MUC21: variants seen among roughly 807,000 people sequenced by gnomAD.
MUC21 encodes mucin 21, cell surface associated.
A neutral mutation model predicts 9.1 loss-of-function variants in MUC21; 8 were observed. The ratio of observed to expected loss-of-function variants is 0.88; its 90% CI spans 0.52 to 1.59. The LOEUF (loss-of-function observed/expected upper bound fraction) is 1.59, where lower values mean the gene tolerates loss of function less well. Ranked by LOEUF, MUC21 falls within the 40% of genes most tolerant of loss-of-function variation. The pLI is 0.00. For missense variants in MUC21, 478 were observed against 694.2 expected, an observed-to-expected ratio of 0.69 and a Z score of 3.50; for synonymous variants, 189 against 275.2, an observed-to-expected ratio of 0.69 and a Z score of 3.10.
chr6:30,988,858 G>C lies in MUC21; in HGVS notation c.*664G>C, dbSNP rs1762506847. The C allele has an allele frequency of 6.6e-6, 1 of 152,270 alleles. No homozygotes were observed. The highest frequency in any genetic ancestry group is 1.5e-5 in the Non-Finnish European group (1 of 68,186). 9.4% of individuals were successfully genotyped at this position (152,270 alleles called of 1,614,324 possible). ...CCCAGGGCATTTCCATGTGCTCCAGGCCTGACTACCCATCAGGGTGGAGGA... is the reference window on the plus strand; with the variant it reads ...CCCAGGGCATTTCCATGTGCTCCAGCCCTGACTACCCATCAGGGTGGAGGA... On this transcript the variant is annotated 3_prime_UTR_variant, in exon 3 of 3. Transcript: ENST00000376296.
Position 30,987,194 on chromosome 6 carries a change from G to A in MUC21, c.1019G>A (p.Ser340Asn), listed in dbSNP as rs1381194340. 6.2e-7 allele frequency: 1 copy of A among 1,603,258 alleles called. No homozygotes were observed. Among genetic ancestry groups the A allele is most frequent in the African/African-American group, 1.4e-5 (1 of 73,410 alleles). Residue 340 changes from serine (S) to asparagine (N), a missense_variant, in exon 2 of 3, where the codon AGT becomes AAT. This residue lies in a region of MUC21 where 155 missense variants were observed against 235.2 expected (regional missense o/e 0.66). Transcript: ENST00000376296. The stretch of plus-strand genomic sequence containing the variant: ...AACTCTGAGTCCAGCACGACCTCCA[G>A]TGGGGCCAGCACAGCCACCAACTCT... ...ATNSESSTTS[S>N]GASTATNSES...
At chr6:30,984,133 T>G in intron 1 of MUC21, 114 bp downstream of exon 1, 1 of 676,076 alleles carries the variant, frequency 1.5e-6, no homozygotes, top group Non-Finnish European at 2.7e-6. Context: ...AGGATCATCA[T>G]TTTACTCGAA....
rs147069023 is a variant in MUC21, at chr6:30,987,005, C to G, written c.830C>G (p.Thr277Arg). 1.9e-6 allele frequency: 3 copies of G among 1,604,714 alleles called. No individual in the cohort carries two copies. In the East Asian group the frequency reaches 6.8e-5, roughly 36 times the overall value. The change falls in exon 2 of 3, where the codon ACA becomes AGA. Residue 277 changes from threonine (T) to arginine (R), a missense_variant. Thr to Arg is a moderately conservative substitution (Grantham distance 71). This residue lies in a region of MUC21 where 155 missense variants were observed against 235.2 expected (regional missense o/e 0.66). Transcript: ENST00000376296. ...ACAGCCACCAACTCTGAGTCCAGCA[C>G]AGTGTCCAGTGGGATCAGCACAGTC... is the stretch of plus-strand genomic sequence containing the variant. Reference protein sequence around the residue: ...AGTATNSESSTVSSGISTVTN... With the variant: ...AGTATNSESSRVSSGISTVTN...
chr6:30,984,259 A>G, intron 1 of MUC21: 1 of 438,424 alleles, frequency 2.3e-6, no homozygotes, highest in East Asian at 3.5e-5. Flanking sequence ...TTAACTGTGT[A>G]CTTTAGGTCA....
In MUC21 at chr6:30,989,513, C is replaced by T. The variant is rs1394855866; in HGVS notation, c.*1319C>T. The T allele has an allele frequency of 6.6e-6, 1 of 152,186 alleles. No homozygotes were observed. Among genetic ancestry groups the T allele is most frequent in the African/African-American group, 2.4e-5 (1 of 41,414 alleles). 9.4% of individuals were successfully genotyped at this position (152,186 alleles called of 1,614,324 possible). The stretch of plus-strand genomic sequence containing the variant: ...AATTTTTTGTAGGGACAGGGCCTCA[C>T]TCTGTTGCACAAGCTGGTCTTGAAC... On this transcript the variant is annotated 3_prime_UTR_variant, in exon 3 of 3. Coordinates refer to ENST00000376296, the MANE Select transcript of MUC21 (RefSeq NM_001010909.5).
chr6:30,983,727 G>T lies in MUC21; in HGVS notation c.-232G>T. 1 of 465,592 alleles carries T rather than the reference G, an allele frequency of 2.1e-6. No individual in the cohort carries two copies. Among genetic ancestry groups the T allele is most frequent in the Non-Finnish European group, 3.8e-6 (1 of 265,528 alleles). The allele number at this position is 465,592 out of a possible 1,614,324, so 28.8% of individuals were successfully genotyped here. A position where few individuals can be genotyped will look rare whatever the true frequency, so the allele number is the denominator to read the frequency against. ...GCAGCTCTTTCACAACAGAGAAAGA[G>T]GCAACTACATTGCCTGGAGGAAGCC... On this transcript the variant is annotated 5_prime_UTR_variant, in exon 1 of 3. In the 5' UTR this introduces an upstream ATG that the reference lacks. Coordinates refer to ENST00000376296, the MANE Select transcript of MUC21 (RefSeq NM_001010909.5).
Position 30,986,237 on chromosome 6 carries a change from C to T in MUC21, c.62C>T (p.Ala21Val), listed in dbSNP as rs543812633. ...MFGLLLHLEA[A>V]TNSNETSTSA... ...ATTTGTCATTATATGATTTCTTCAG[C>T]AACAAATTCCAATGAGACTAGCACC... The change falls in exon 2 of 3, where the codon GCA (alanine) becomes GTA (valine). Residue 21 changes from alanine (A) to valine (V), a missense_variant and splice_region_variant. Coordinates refer to ENST00000376296, the MANE Select transcript of MUC21 (RefSeq NM_001010909.5). 1.9e-4 allele frequency: 310 copies of T among 1,603,802 alleles called. 1 individual carries two copies. The South Asian group carries it at 3.2e-3, about 17-fold the overall frequency.
chr6:30,985,838 T>C (rs1405635191), intron 1 of MUC21, among the ~76,000 whole-genome samples: 1 of 152,212 alleles, frequency 6.6e-6, no homozygotes, highest in Non-Finnish European at 1.5e-5. Context: ...TGGAGTGCAA[T>C]GGCTCGATCT....
At chr6:30,987,714 G>A in intron 2 of MUC21, 33 bp downstream of exon 2, 2 of 1,600,568 alleles carry the variant, frequency 1.2e-6, no homozygotes, top group Non-Finnish European at 1.7e-6. Flanking sequence ...AATGCCTGGG[G>A]GAAGGAGCAG....
chr6:30,985,468 G>A (rs1762209995), intron 1 of MUC21, among the ~76,000 whole-genome samples: 1 of 152,164 alleles, frequency 6.6e-6, no homozygotes, highest in African/African-American at 2.4e-5. Flanking sequence ...TCTGAAATAA[G>A]TGTGTTCTGA....
rs751022126 is a variant in MUC21 at position 30,986,724 on chromosome 6, T to C, written c.549T>C (p.Ser183=). Residue 183 remains serine, a synonymous_variant, in exon 2 of 3, where the codon TCT becomes TCC. Coordinates refer to ENST00000376296, the MANE Select transcript of MUC21 (RefSeq NM_001010909.5). ...GTGGGGCCAGCACAGCCACCAACTC[T>C]GAGTCCAGCACAGTGTCCAGTAGGG... ...TSSGASTATN[S]ESSTVSSRAS... is the part of the protein sequence containing the mutation. 1 of 1,576,744 alleles carries C rather than the reference T, an allele frequency of 6.3e-7. No individual in the cohort carries two copies. The highest frequency in any genetic ancestry group is 1.7e-5 in the Admixed American group (1 of 58,056).
In MUC21 at chr6:30,988,380, C is replaced by A. The variant is rs1212318514; in HGVS notation, c.*186C>A. On this transcript the variant is annotated 3_prime_UTR_variant, in exon 3 of 3. Transcript: ENST00000376296. Reference sequence around the variant, plus strand: ...ACTGGAAAGAGAATACTATATTGCTCATTTAGCTAAGAAATAAATACATCT... The same window carrying A: ...ACTGGAAAGAGAATACTATATTGCTAATTTAGCTAAGAAATAAATACATCT... 1.7e-6 allele frequency: 1 copy of A among 574,454 alleles called. No homozygotes were observed. Among genetic ancestry groups the A allele is most frequent in the African/African-American group, 1.9e-5 (1 of 53,410 alleles). The allele number at this position is 574,454 out of a possible 1,614,324, so 35.6% of individuals were successfully genotyped here.
chr6:30,984,978 A>G (rs1762187221), intron 1 of MUC21, among the ~76,000 whole-genome samples: 1 of 148,738 alleles, frequency 6.7e-6, no homozygotes, highest in Non-Finnish European at 1.5e-5. Context: ...CCGTCTCAAA[A>G]ACAAATAAAT....
In MUC21 at chr6:30,988,009, C is replaced by T. The variant is rs528237312; in HGVS notation, c.1516C>T (p.Leu506=). 52 of 1,183,152 alleles carry T rather than the reference C, an allele frequency of 4.4e-5. 1 individual carries two copies. In the South Asian group the frequency reaches 5.5e-4, roughly 12 times the overall value. 73.3% of individuals were successfully genotyped at this position (1,183,152 alleles called of 1,614,324 possible). ...ACTCTTCTTTTTTTAGAGAAACAGCCTGTCCCTGAGAAACACCTTTAACAC... is the reference window on the plus strand; with the variant it reads ...ACTCTTCTTTTTTTAGAGAAACAGCTTGTCCCTGAGAAACACCTTTAACAC... The part of the protein sequence containing the change: ...AGLFFCVRNS[L]SLRNTFNTAV... The change falls in exon 3 of 3, where the codon CTG becomes TTG. Residue 506 remains leucine, a synonymous_variant. Transcript: ENST00000376296.
In MUC21 at chr6:30,989,496, G is replaced by A. The variant is rs1439453552; in HGVS notation, c.*1302G>A. On this transcript the variant is annotated 3_prime_UTR_variant, in exon 3 of 3. Transcript: ENST00000376296. The stretch of plus-strand genomic sequence containing the variant: ...GCCTGGCTAATTTTTAGAATTTTTT[G>A]TAGGGACAGGGCCTCACTCTGTTGC... The A allele has an allele frequency of 1.3e-5, 2 of 152,090 alleles. No individual in the cohort carries two copies. Among genetic ancestry groups the A allele is most frequent in the Non-Finnish European group, 2.9e-5 (2 of 68,050 alleles). The allele number at this position is 152,090 out of a possible 1,614,324, so 9.4% of individuals were successfully genotyped here. A position where few individuals can be genotyped will look rare whatever the true frequency, so the allele number is the denominator to read the frequency against.
rs745663910 is a variant in MUC21, at chr6:30,986,524, G to A, written c.349G>A (p.Ala117Thr). The A allele has an allele frequency of 1.3e-5, 21 of 1,585,314 alleles. No homozygotes were observed. Among genetic ancestry groups the A allele is most frequent in the African/African-American group, 4.1e-5 (3 of 72,364 alleles). Residue 117 changes from alanine (A) to threonine (T), a missense_variant, in exon 2 of 3, where the codon GCC becomes ACC. Around this residue, in one of 5 missense-constraint regions of MUC21, gnomAD observed 53 missense variants for 139.1 expected, o/e 0.38. Transcript: ENST00000376296. Reference sequence around the variant, plus strand: ...TGAGTCCAGCACAACCTCCAGTGGGGCCAGCACAGCCACCAACTCTGAGTC... The same window carrying A: ...TGAGTCCAGCACAACCTCCAGTGGGACCAGCACAGCCACCAACTCTGAGTC... ...NSESSTTSSG[A>T]STATNSESST...
chr6:30,984,083 A>G (rs771167885), intron 1 of MUC21, 64 bp downstream of exon 1: 60 of 773,416 alleles, frequency 7.8e-5, no homozygotes, highest in Non-Finnish European at 1.4e-4. Flanking sequence ...GAGAAATGTG[A>G]CCACTACTGG....
Position 30,987,090 on chromosome 6 carries a change from C to T in MUC21, c.915C>T (p.Ser305=). 5 of 1,581,198 alleles carry T rather than the reference C, an allele frequency of 3.2e-6. No homozygotes were observed. Among genetic ancestry groups the T allele is most frequent in the Non-Finnish European group, 4.3e-6 (5 of 1,157,960 alleles). The change falls in exon 2 of 3, where the codon TCC becomes TCT. Residue 305 remains serine, a synonymous_variant. Transcript: ENST00000376296. ...SGANTATNSE[S]STTSSGANTA... ...CCAACACAGCCACCAACTCTGAGTC[C>T]AGTACGACCTCCAGTGGGGCCAACA...
Position 30,988,169 on chromosome 6 carries a change from T to C in MUC21, c.1676T>C (p.Met559Thr). 6.2e-7 allele frequency: 1 copy of C among 1,612,386 alleles called. No homozygotes were observed. The highest frequency in any genetic ancestry group is 8.5e-7 in the Non-Finnish European group (1 of 1,179,876). The change falls in exon 3 of 3, where the codon ATG becomes ACG. Residue 559 changes from methionine to threonine, a missense_variant. Met to Thr is a moderately conservative substitution (Grantham distance 81). Transcript: ENST00000376296. ...CCAGTATCCTCGATAGCCATGGAGA[T>C]GAGCGGGAGGAACAGCGGGCCCTGA... ...RRPVSSIAMEMSGRNSGP is the reference protein window; with the variant it reads ...RRPVSSIAMETSGRNSGP
Sources: allele counts gnomAD v4.1 joint callset (sites outside exome capture counted in the v4.1 genomes callset), GRCh38; gene constraint gnomAD v4.1.1; regional missense constraint gnomAD v4.1.1; transcripts MANE v1.5; gene names NCBI Gene and HGNC (gene_info 2026-07-23, HGNC 2026-07-21).